Variants in TNFSF4 observed in about 807,000 individuals in gnomAD.
The protein encoded by TNFSF4 is TNF superfamily member 4.
A neutral mutation model predicts 7.3 loss-of-function variants in TNFSF4; 4 were observed. That is an observed-to-expected ratio of 0.55 (90% CI 0.27 to 1.25). TNFSF4 has a LOEUF of 1.25. TNFSF4 is among the 50% of genes most tolerant of loss of function. The pLI is 0.12. For synonymous variants in TNFSF4, 76 were observed against 83.7 expected (o/e 0.91, Z 0.50); for missense variants, 181 against 208.8 (o/e 0.87, Z 0.82).
chr1:173,418,357 G>A, the TNFSF4 span: 7 of 152,174 alleles, frequency 4.6e-5, no homozygotes, highest in Admixed American at 3.9e-4. Flanking sequence ...GTGTGCATAC[G>A]GTGCACCTTC....
the TNFSF4 span, among the ~76,000 whole-genome samples, chr1:173,328,552 A>G: frequency 6.6e-6 from 1 of 150,448 alleles, no homozygotes; most frequent in African/African-American, 2.5e-5. Flanking sequence ...ATAAAAAAAA[A>G]AGTTTACCCC....
the TNFSF4 span, among the ~76,000 whole-genome samples, chr1:173,255,824 C>T: frequency 6.6e-6 from 1 of 152,206 alleles, no homozygotes; most frequent in Non-Finnish European, 1.5e-5. Context: ...TCTGTGCCCC[C>T]ACCTCCAAGA....
chr1:173,395,075 A>ATAGC, the TNFSF4 span, among the ~76,000 whole-genome samples: 224 of 150,234 alleles, frequency 1.5e-3, no homozygotes, highest in Non-Finnish European at 1.8e-3. Context: ...AGATAGATAG[A>ATAGC]TAGCTATAAA....
the TNFSF4 span, among the ~76,000 whole-genome samples, chr1:173,328,565 C>A: frequency 0.45 from 67,103 of 150,070 alleles, 16,651 homozygotes; most frequent in East Asian, 0.72. Context: ...TTTACCCCCC[C>A]CCAAAAAAAA....
chr1:173,257,353 T>C, the TNFSF4 span, among the ~76,000 whole-genome samples: 1 of 152,152 alleles, frequency 6.6e-6, no homozygotes, highest in African/African-American at 2.4e-5. Context: ...TAGGCAGAAA[T>C]AGGAATGGAC....
intron 1 of TNFSF4, among the ~76,000 whole-genome samples, chr1:173,196,922 C>T (rs1313639778): frequency 6.6e-6 from 1 of 152,162 alleles, no homozygotes; most frequent in Non-Finnish European, 1.5e-5. Context: ...AGTCTCTAAG[C>T]TACTGGAAGG....
At chr1:173,383,320 T>C in the TNFSF4 span, among the ~76,000 whole-genome samples, 4 of 152,230 alleles carry the variant, frequency 2.6e-5, no homozygotes, top group Admixed American at 2.0e-4. Flanking sequence ...TTTACATCAG[T>C]AATGTTTATT....
At chr1:173,276,932 C>T in the TNFSF4 span, among the ~76,000 whole-genome samples, 1 of 152,032 alleles carries the variant, frequency 6.6e-6, no homozygotes, top group African/African-American at 2.4e-5. Flanking sequence ...TTTTCATTTC[C>T]GAGGGCAGTA....
the TNFSF4 span, among the ~76,000 whole-genome samples, chr1:173,253,651 G>A: frequency 2.0e-5 from 3 of 152,162 alleles, no homozygotes; most frequent in South Asian, 4.1e-4. Flanking sequence ...ACATATGAAC[G>A]TCTAGTTTCT....
the TNFSF4 span, among the ~76,000 whole-genome samples, chr1:173,287,570 G>T: frequency 6.6e-6 from 1 of 152,058 alleles, no homozygotes; most frequent in Non-Finnish European, 1.5e-5. Context: ...ATACTACTGG[G>T]CATTTATCAA....
At chr1:173,326,276 T>A in the TNFSF4 span, among the ~76,000 whole-genome samples, 1 of 152,188 alleles carries the variant, frequency 6.6e-6, no homozygotes, top group Non-Finnish European at 1.5e-5. Flanking sequence ...CACATGATTA[T>A]CTCAATAGAT....
chr1:173,265,023 G>A, the TNFSF4 span, among the ~76,000 whole-genome samples: 1 of 152,170 alleles, frequency 6.6e-6, no homozygotes, highest in Admixed American at 6.5e-5. Flanking sequence ...GGAAATATGT[G>A]TAAAGCAAAG....
In TNFSF4 at chr1:173,183,906, G is replaced by A. The variant is rs1218840308; in HGVS notation, c.*2610C>T. On this transcript the variant is annotated 3_prime_UTR_variant, in exon 3 of 3. Coordinates refer to ENST00000281834, the MANE Select transcript of TNFSF4 (RefSeq NM_003326.5). Reference sequence around the variant, plus strand: ...TTAAGAACAAATTATGATTTGGATCGGGATTGGAATCCCTTAAGCATTCTC... The same window carrying A: ...TTAAGAACAAATTATGATTTGGATCAGGATTGGAATCCCTTAAGCATTCTC... 3 of 152,128 alleles carry A rather than the reference G, an allele frequency of 2.0e-5. No individual in the cohort carries two copies. Among genetic ancestry groups the A allele is most frequent in the African/African-American group, 2.4e-5 (1 of 41,418 alleles). 9.4% of individuals were successfully genotyped at this position (152,128 alleles called of 1,614,324 possible). A position where few individuals can be genotyped will look rare whatever the true frequency, so the allele number is the denominator to read the frequency against.
chr1:173,329,868 A>G, the TNFSF4 span, among the ~76,000 whole-genome samples: 5 of 152,134 alleles, frequency 3.3e-5, no homozygotes, highest in Non-Finnish European at 7.4e-5. Flanking sequence ...ACTGAGATAT[A>G]CCAGACTCAA....
chr1:173,450,262 T>C, the TNFSF4 span, among the ~76,000 whole-genome samples: 1 of 152,130 alleles, frequency 6.6e-6, no homozygotes, highest in Admixed American at 6.5e-5. Context: ...CATATATATG[T>C]ATGTATAACT....
At chr1:173,328,206 G>A in the TNFSF4 span, among the ~76,000 whole-genome samples, 1 of 152,012 alleles carries the variant, frequency 6.6e-6, no homozygotes, top group Non-Finnish European at 1.5e-5. Context: ...CCTTTGTAGG[G>A]ACATGGGTGA....
At chr1:173,380,523 C>A in the TNFSF4 span, among the ~76,000 whole-genome samples, 14 of 152,068 alleles carry the variant, frequency 9.2e-5, no homozygotes, top group South Asian at 4.2e-4. Flanking sequence ...CTCAGGGCCT[C>A]CAAAAATCAT....
the TNFSF4 span, among the ~76,000 whole-genome samples, chr1:173,384,338 A>G: frequency 6.6e-6 from 1 of 152,240 alleles, no homozygotes; most frequent in East Asian, 1.9e-4. Flanking sequence ...GATCGGGAGA[A>G]GCAGGTCAAG....
chr1:173,219,529 G>C, the TNFSF4 span, among the ~76,000 whole-genome samples: 1 of 152,042 alleles, frequency 6.6e-6, no homozygotes, highest in South Asian at 2.1e-4. Flanking sequence ...TCACTACTGG[G>C]TATCTCCCCA....
Sources: gnomAD v4.1 joint callset for allele counts (sites outside exome capture counted in the v4.1 genomes callset) on GRCh38, gnomAD v4.1.1 for gene constraint, MANE v1.5 for transcripts, NCBI Gene and HGNC (gene_info 2026-07-23, HGNC 2026-07-21) for gene names.